Variants in MMP14 observed in about 807,000 individuals in gnomAD.
MMP14 encodes the protein matrix metallopeptidase 14, also known as matrix metalloproteinase-14.
In MMP14, 13 loss-of-function variants were observed where a neutral mutation model predicts 64.8. That is an observed-to-expected ratio of 0.20 (90% CI 0.13 to 0.32). The LOEUF (loss-of-function observed/expected upper bound fraction) is 0.32. Ranked by LOEUF, MMP14 falls within the 10% of genes least tolerant of loss-of-function variation. The pLI is 1.00. For synonymous variants in MMP14, 322 were observed against 315.9 expected, an observed-to-expected ratio of 1.02 and a Z score of -0.20; for missense variants, 594 against 783.8, an observed-to-expected ratio of 0.76 and a Z score of 2.89.
rs376468275 is a variant in MMP14, at chr14:22,843,221, C to G, written c.689-36C>G. On this transcript the variant is annotated intron_variant, in intron 4 of 9. Coordinates refer to ENST00000311852, the MANE Select transcript of MMP14 (RefSeq NM_004995.4). This position sits in a 1 kb window ranked among gnomAD's most constrained non-coding sequence, Gnocchi z 4.8. ...GAAGCAGGGAGGCTGAGGGAAGGGACTCAGGCTGCTATCGTCACTGTCCCC... is the reference window on the plus strand; with the variant it reads ...GAAGCAGGGAGGCTGAGGGAAGGGAGTCAGGCTGCTATCGTCACTGTCCCC... The G allele has an allele frequency of 3.8e-6, 6 of 1,590,150 alleles. No individual in the cohort carries two copies. In the African/African-American group the frequency reaches 6.7e-5, roughly 18 times the overall value.
rs1158060715 is a variant in MMP14 at position 22,846,118 on chromosome 14, G to C, written c.*79G>C. 1.0e-5 allele frequency: 14 copies of C among 1,349,100 alleles called. No homozygotes were observed. Among genetic ancestry groups the C allele is most frequent in the African/African-American group, 1.5e-5 (1 of 67,818 alleles). 83.6% of individuals were successfully genotyped at this position (1,349,100 alleles called of 1,614,324 possible). On this transcript the variant is annotated 3_prime_UTR_variant, in exon 10 of 10. Coordinates refer to ENST00000311852, the MANE Select transcript of MMP14 (RefSeq NM_004995.4). ...AGTGGCAGCAGGTGGTGGTGGGTGG[G>C]CTGTTCCCATCGTCCCGAGCCCCCT...
Position 22,843,882 on chromosome 14 carries a change from T to C in MMP14, c.1011+12T>C, listed in dbSNP as rs767356773. 17 of 1,607,206 alleles carry C rather than the reference T, an allele frequency of 1.1e-5. No individual in the cohort carries two copies. Among genetic ancestry groups the C allele is most frequent in the Admixed American group, 5.2e-5 (3 of 57,206 alleles). On this transcript the variant is annotated intron_variant, in intron 6 of 9. Coordinates refer to ENST00000311852, the MANE Select transcript of MMP14 (RefSeq NM_004995.4). This position sits in a 1 kb window ranked among gnomAD's most constrained non-coding sequence, Gnocchi z 4.8. ...TGTTTGTCTTCAAGGTGAGAAGAAG[T>C]GGGCTGGTTTGAAAGACAAAAGGGC...
At chr14:22,840,286 G>T (rs1024931601) in intron 1 of MMP14, among the ~76,000 whole-genome samples, 2 of 152,108 alleles carry the variant, frequency 1.3e-5, no homozygotes, top group African/African-American at 4.8e-5. Context: ...TTACTTTGAG[G>T]CTTTAAGAAA....
rs554056813 is a variant in MMP14 at position 22,841,570 on chromosome 14, C to T, written c.188C>T (p.Ala63Val). 2.1e-5 allele frequency: 34 copies of T among 1,614,004 alleles called. No homozygotes were observed. The highest frequency in any genetic ancestry group is 2.7e-5 in the African/African-American group (2 of 74,936). Residue 63 changes from alanine (A) to valine (V), a missense_variant, in exon 2 of 10, where the codon GCG (alanine) becomes GTG (valine). Transcript: ENST00000311852. ...HTQRSPQSLS[A>V]AIAAMQKFYG... ...CAGCGCTCACCCCAGTCACTCTCAG[C>T]GGCCATCGCTGCCATGCAGAAGTTT...
chr14:22,846,312 T>G lies in MMP14; in HGVS notation c.*273T>G, dbSNP rs1446995940. On this transcript the variant is annotated 3_prime_UTR_variant, in exon 10 of 10. Transcript: ENST00000311852. ...CCCTCAGGGGAACCCTGTAGCTTTG[T>G]GTCTGTCCAGCCCCATCTGAATGTG... 8.4e-6 allele frequency: 4 copies of G among 477,530 alleles called. No homozygotes were observed. The highest frequency in any genetic ancestry group is 1.5e-5 in the Non-Finnish European group (4 of 270,322). 29.6% of individuals were successfully genotyped at this position (477,530 alleles called of 1,614,324 possible).
rs570924872 is a variant in MMP14 at position 22,846,147 on chromosome 14, C to G, written c.*108C>G. On this transcript the variant is annotated 3_prime_UTR_variant, in exon 10 of 10. Coordinates refer to ENST00000311852, the MANE Select transcript of MMP14 (RefSeq NM_004995.4). ...TTCCCATCGTCCCGAGCCCCCTCCC[C>G]GCAGCCTCCTTGCTTCTCTCTGTCC... 156 of 1,089,600 alleles carry G rather than the reference C, an allele frequency of 1.4e-4. No homozygotes were observed. The highest frequency in any genetic ancestry group is 8.4e-5 in the South Asian group (5 of 59,690). The allele number at this position is 1,089,600 out of a possible 1,614,324, so 67.5% of individuals were successfully genotyped here.
Position 22,842,567 on chromosome 14 carries a change from T to C in MMP14, c.538T>C (p.Phe180Leu). The C allele has an allele frequency of 6.2e-7, 1 of 1,614,180 alleles. No homozygotes were observed. The highest frequency in any genetic ancestry group is 1.6e-4 in the Middle Eastern group (1 of 6,062). Residue 180 changes from phenylalanine (F) to leucine (L), a missense_variant, in exon 4 of 10, where the codon TTC becomes CTC. Phe to Leu is a conservative substitution (Grantham distance 22). Coordinates refer to ENST00000311852, the MANE Select transcript of MMP14 (RefSeq NM_004995.4). The surrounding 1 kb of genome is among the most constrained non-coding windows in gnomAD (Gnocchi z 5.3). ...GHEKQADIMI[F>L]FAEGFHGDST... ...TGAGAAGCAGGCCGACATCATGATC[T>C]TCTTTGCCGAGGGCTTCCATGGCGA... is the stretch of plus-strand genomic sequence containing the variant.
chr14:22,840,801 C>T (rs1395939008), intron 1 of MMP14, among the ~76,000 whole-genome samples: 5 of 152,298 alleles, frequency 3.3e-5, no homozygotes, highest in East Asian at 1.9e-4. Context: ...TGAGCCACCG[C>T]GCCCGGCCAC....
Position 22,843,524 on chromosome 14 carries a change from CA to C in MMP14, c.850+108del. Reference sequence around the variant, plus strand: ...TTGCAGTCTCCGCACCGCCCCCTGCCAACCTGCCCCTGCCTCTATCAGCTCC... The same window carrying C: ...TTGCAGTCTCCGCACCGCCCCCTGCCACCTGCCCCTGCCTCTATCAGCTCC... On this transcript the variant is annotated intron_variant, in intron 5 of 9. Coordinates refer to ENST00000311852, the MANE Select transcript of MMP14 (RefSeq NM_004995.4). This position sits in a 1 kb window ranked among gnomAD's most constrained non-coding sequence, Gnocchi z 4.8. The C allele has an allele frequency of 6.9e-7, 1 of 1,439,738 alleles. No homozygotes were observed. Among genetic ancestry groups the C allele is most frequent in the South Asian group, 1.3e-5 (1 of 77,770 alleles). The allele number at this position is 1,439,738 out of a possible 1,614,324, so 89.2% of individuals were successfully genotyped here. A position where few individuals can be genotyped will look rare whatever the true frequency, so the allele number is the denominator to read the frequency against.
chr14:22,837,255 A>G (rs1396707246), intron 1 of MMP14: 1 of 530,622 alleles, frequency 1.9e-6, no homozygotes, highest in South Asian at 1.5e-5. Context: ...CAGCTCTGGA[A>G]CCGCCTGATA....
rs2236308 is a variant in MMP14, at chr14:22,843,973, A to T, written c.1011+103A>T. On this transcript the variant is annotated intron_variant, in intron 6 of 9. Coordinates refer to ENST00000311852, the MANE Select transcript of MMP14 (RefSeq NM_004995.4). This position sits in a 1 kb window ranked among gnomAD's most constrained non-coding sequence, Gnocchi z 4.8. Reference sequence around the variant, plus strand: ...CACTTTGAGAGGCCAAGGCAGGTGGATCACCTGAGGTCTGGAGTTCGAGAG... The same window carrying T: ...CACTTTGAGAGGCCAAGGCAGGTGGTTCACCTGAGGTCTGGAGTTCGAGAG... 7.0e-7 allele frequency: 1 copy of T among 1,422,640 alleles called. No individual in the cohort carries two copies. Among genetic ancestry groups the T allele is most frequent in the South Asian group, 1.3e-5 (1 of 79,362 alleles). 88.1% of individuals were successfully genotyped at this position (1,422,640 alleles called of 1,614,324 possible). A position where few individuals can be genotyped will look rare whatever the true frequency, so the allele number is the denominator to read the frequency against.
At chr14:22,838,444 G>A (rs2039750524) in intron 1 of MMP14, among the ~76,000 whole-genome samples, 1 of 152,172 alleles carries the variant, frequency 6.6e-6, no homozygotes, top group Admixed American at 6.5e-5. Flanking sequence ...GGAGGGAGGA[G>A]CAGCCCCAGA....
At chr14:22,837,271 T>C (rs924763156) in intron 1 of MMP14, 6 of 503,256 alleles carry the variant, frequency 1.2e-5, no homozygotes, top group Non-Finnish European at 1.9e-5. Context: ...TGATAAACAT[T>C]TGGACTCCGC....
intron 1 of MMP14, chr14:22,837,443 G>A (rs1285508020): frequency 8.8e-6 from 4 of 454,526 alleles, no homozygotes; most frequent in Non-Finnish European, 1.8e-5. Flanking sequence ...GCCAGGTGGG[G>A]GTCGAGGGTG....
At position 22,842,824 on chromosome 14, in the gene MMP14, G is replaced by A; in HGVS notation, c.688+107G>A. 1 of 1,183,718 alleles carries A rather than the reference G, an allele frequency of 8.4e-7. No individual in the cohort carries two copies. The highest frequency in any genetic ancestry group is 1.2e-6 in the Non-Finnish European group (1 of 850,794). 73.3% of individuals were successfully genotyped at this position (1,183,718 alleles called of 1,614,324 possible). A position where few individuals can be genotyped will look rare whatever the true frequency, so the allele number is the denominator to read the frequency against. ...TCTCCGGGCTAGAAGGGACCACAGAGACCTTCTGATCTAACTTCTGACAAA... is the reference window on the plus strand; with the variant it reads ...TCTCCGGGCTAGAAGGGACCACAGAAACCTTCTGATCTAACTTCTGACAAA... On this transcript the variant is annotated intron_variant, in intron 4 of 9. Transcript: ENST00000311852. This position sits in a 1 kb window ranked among gnomAD's most constrained non-coding sequence, Gnocchi z 5.3.
At chr14:22,844,174 A>C (rs190858236) in intron 6 of MMP14, among the ~76,000 whole-genome samples, 197 bp from the exon 7 acceptor site, 34 of 149,954 alleles carry the variant, frequency 2.3e-4, no homozygotes, top group Non-Finnish European at 4.0e-4. Flanking sequence ...TCCAGCCTGG[A>C]CAACAGTGTG....
chr14:22,844,965 C>T (rs887928121), intron 8 of MMP14, among the ~76,000 whole-genome samples, 185 bp downstream of exon 8: 2 of 152,092 alleles, frequency 1.3e-5, no homozygotes, highest in African/African-American at 2.4e-5. Context: ...GGGATGTGAC[C>T]GGGTCATTCC....
Position 22,846,152 on chromosome 14 carries a change from C to T in MMP14, c.*113C>T. 9.5e-7 allele frequency: 1 copy of T among 1,053,656 alleles called. No individual in the cohort carries two copies. Among genetic ancestry groups the T allele is most frequent in the South Asian group, 1.7e-5 (1 of 58,920 alleles). 65.3% of individuals were successfully genotyped at this position (1,053,656 alleles called of 1,614,324 possible). A position where few individuals can be genotyped will look rare whatever the true frequency, so the allele number is the denominator to read the frequency against. On this transcript the variant is annotated 3_prime_UTR_variant, in exon 10 of 10. Coordinates refer to ENST00000311852, the MANE Select transcript of MMP14 (RefSeq NM_004995.4). Reference sequence around the variant, plus strand: ...ATCGTCCCGAGCCCCCTCCCCGCAGCCTCCTTGCTTCTCTCTGTCCCCTGG... The same window carrying T: ...ATCGTCCCGAGCCCCCTCCCCGCAGTCTCCTTGCTTCTCTCTGTCCCCTGG...
chr14:22,844,883 C>G (rs2039801093), intron 8 of MMP14, 103 bp downstream of exon 8: 2 of 1,487,396 alleles, frequency 1.3e-6, no homozygotes, highest in East Asian at 4.5e-5. Flanking sequence ...AACATGCTTC[C>G]CTGGAGAAGG....
Sources: gnomAD v4.1 joint callset for allele counts (sites outside exome capture counted in the v4.1 genomes callset) on GRCh38, gnomAD v4.1.1 for gene constraint, Gnocchi (gnomAD v3.1) non-coding constraint, MANE v1.5 for transcripts, NCBI Gene and HGNC (gene_info 2026-07-23, HGNC 2026-07-21) for gene names.